The following UNC45A variants were observed in gnomAD, a reference collection of about 807,000 sequenced individuals.
The protein encoded by UNC45A is unc-45 myosin chaperone A, also known as protein unc-45 homolog A.
Under a neutral mutation model 103.2 loss-of-function variants are expected in UNC45A, and 78 were observed. The observed-to-expected ratio is 0.76, with a 90% CI of 0.63 to 0.91. The LOEUF is 0.91. Ranked by LOEUF, UNC45A falls within the 40% of genes least tolerant of loss-of-function variation. UNC45A has a pLI of 0.00. For synonymous variants in UNC45A, 495 were observed against 504.6 expected (o/e 0.98, Z 0.25); for missense variants, 1,193 against 1,224.8 (o/e 0.97, Z 0.39).
At chr15:90,932,207 C>CT, upstream of UNC45A, 2 of 1,324,628 alleles carry the variant, frequency 1.5e-6, no homozygotes, top group Non-Finnish European at 2.0e-6. Flanking sequence ...CTTGTGGACT[C>CT]TGACTAGCTG....
Position 90,946,708 on chromosome 15 carries a change from G to T in UNC45A, c.1294G>T (p.Ala432Ser), listed in dbSNP as rs1216492321. Residue 432 changes from alanine (A) to serine (S), a missense_variant, in exon 10 of 20, where the codon GCC (alanine) becomes TCC (serine). By Grantham distance (99) the Ala-to-Ser change is moderately conservative (BLOSUM62 1). Coordinates refer to ENST00000418476, the MANE Select transcript of UNC45A (RefSeq NM_018671.5). ...GGGCCCATGTGACGCTGGCAACCGG[G>T]CCTTGGAGCTGAGCGGTGTCATGGA... ...LQGPCDAGNRALELSGVMESV... is the reference protein window; with the variant it reads ...LQGPCDAGNRSLELSGVMESV... The T allele has an allele frequency of 6.2e-7, 1 of 1,613,162 alleles. No homozygotes were observed.
rs954425638 is a variant in UNC45A at position 90,935,660 on chromosome 15, C to T, written c.168C>T (p.Asp56=). The T allele has an allele frequency of 7.5e-6, 12 of 1,599,876 alleles. No individual in the cohort carries two copies. Among genetic ancestry groups the T allele is most frequent in the Non-Finnish European group, 9.4e-6 (11 of 1,174,386 alleles). ...QALGLDATPQ[D]QAVLHRNRAA... ...TGGGTCTGGACGCGACGCCCCAGGA[C>T]CAGGCCGTTCTGCACCGGAACCGGG... The change falls in exon 2 of 20, where the codon GAC becomes GAT. Residue 56 remains aspartate, a synonymous_variant. Transcript: ENST00000418476.
Position 90,953,277 on chromosome 15 carries a change from G to T in UNC45A, c.2544G>T (p.Met848Ile). 3 of 1,612,578 alleles carry T rather than the reference G, an allele frequency of 1.9e-6. No homozygotes were observed. Among genetic ancestry groups the T allele is most frequent in the Non-Finnish European group, 2.5e-6 (3 of 1,179,678 alleles). The change falls in exon 19 of 20, where the codon ATG becomes ATT. Residue 848 changes from methionine (M) to isoleucine (I), a missense_variant. By Grantham distance (10) the Met-to-Ile change is conservative. Transcript: ENST00000418476. ...AAGGLAMLTS[M>I]RPTLCSRIPQ... is the part of the protein sequence containing the mutation. ...GGGGCTTGGCCATGCTTACCTCCAT[G>T]CGGCCCACGCTCTGCAGCCGCATTC...
chr15:90,931,514 G>A, upstream of UNC45A: 1 of 1,614,174 alleles, frequency 6.2e-7, no homozygotes, highest in Non-Finnish European at 8.5e-7. Flanking sequence ...GATGGAATGA[G>A]CTGTCCTGAA....
chr15:90,944,876 C>T lies in UNC45A; in HGVS notation c.1028-16C>T, dbSNP rs879085173. ...TGGAACTAGTGTTCTACTGTCTAAG[C>T]GGGGTGTCTTTACAGGTCTGAAAAA... On this transcript the variant is annotated splice_polypyrimidine_tract_variant and intron_variant, in intron 8 of 19. Coordinates refer to ENST00000418476, the MANE Select transcript of UNC45A (RefSeq NM_018671.5). 6.0e-5 allele frequency: 97 copies of T among 1,610,162 alleles called. 1 individual carries two copies. In the South Asian group the frequency reaches 8.8e-4, roughly 15 times the overall value.
intron 17 of UNC45A, among the ~76,000 whole-genome samples, chr15:90,951,607 G>A (rs1294735217): frequency 2.0e-5 from 3 of 152,118 alleles, no homozygotes; most frequent in Admixed American, 1.3e-4. Flanking sequence ...ATTTAAAAAA[G>A]AAATTAAAGA....
chr15:90,949,741 C>G, intron 15 of UNC45A, 21 bp downstream of exon 15: 1 of 1,613,068 alleles, frequency 6.2e-7, no homozygotes, highest in Non-Finnish European at 8.5e-7. Context: ...TTACACACCC[C>G]TTCCTGATGG....
chr15:90,933,771 C>G (rs985448559), upstream of UNC45A: 14 of 342,038 alleles, frequency 4.1e-5, no homozygotes, highest in Admixed American at 6.7e-4. Flanking sequence ...CTCAGCTGCT[C>G]TCTCATCCCT....
chr15:90,932,359 C>T, upstream of UNC45A: 2 of 960,428 alleles, frequency 2.1e-6, no homozygotes, highest in Non-Finnish European at 1.4e-6. Flanking sequence ...AGGTGCACGC[C>T]CCCCACGTTT....
intron 5 of UNC45A, 148 bp from the exon 6 acceptor site, chr15:90,940,158 C>CTG: frequency 1.2e-6 from 1 of 833,124 alleles, no homozygotes; most frequent in Non-Finnish European, 1.9e-6. Context: ...ACAGAGGAAG[C>CTG]TAAACTTCAA....
In UNC45A at chr15:90,939,826, A is replaced by G. The variant is rs1214614898; in HGVS notation, c.519+3A>G. On this transcript the variant is annotated splice_donor_region_variant and intron_variant, in intron 5 of 19. Transcript: ENST00000418476. ...AGGGCACTGAGAAAAAGCAAAAGGT[A>G]TAGGCCCTGGGCTGAGTCAGTGAGT... The G allele has an allele frequency of 7.4e-6, 12 of 1,613,674 alleles. No homozygotes were observed. Among genetic ancestry groups the G allele is most frequent in the Admixed American group, 1.7e-5 (1 of 59,996 alleles).
intron 13 of UNC45A, 106 bp from the exon 14 acceptor site, chr15:90,949,210 T>A (rs2036751893): frequency 1.4e-6 from 2 of 1,471,596 alleles, no homozygotes. Context: ...TGTTTCCTTT[T>A]GTCTGGCTGT....
In UNC45A at chr15:90,935,982, G is replaced by T. The variant is rs746433029; in HGVS notation, c.250G>T (p.Ala84Ser). The change falls in exon 3 of 20, where the codon GCC (alanine) becomes TCC (serine). Residue 84 changes from alanine to serine, a missense_variant and splice_region_variant. Ala to Ser is a moderately conservative substitution (Grantham distance 99). Coordinates refer to ENST00000418476, the MANE Select transcript of UNC45A (RefSeq NM_018671.5). ...YDKAETEASKAIEKDGGDVKA... is the reference protein window; with the variant it reads ...YDKAETEASKSIEKDGGDVKA... ...CAAAGCAGAAACAGAGGCATCCAAA[G>T]GTAGGGGAATGGTGGGCCCTGGTGT... is the stretch of plus-strand genomic sequence containing the variant. 9 of 1,614,054 alleles carry T rather than the reference G, an allele frequency of 5.6e-6. No homozygotes were observed. Among genetic ancestry groups the T allele is most frequent in the African/African-American group, 1.3e-5 (1 of 75,030 alleles).
intron 9 of UNC45A, among the ~76,000 whole-genome samples, chr15:90,945,727 G>C (rs2151368377): frequency 1.3e-5 from 2 of 150,738 alleles, no homozygotes; most frequent in South Asian, 4.2e-4. Flanking sequence ...CACCCTCCCA[G>C]GTTCAAGCAA....
chr15:90,931,919 T>A (rs1466851985), upstream of UNC45A: 1 of 1,613,824 alleles, frequency 6.2e-7, no homozygotes, highest in Non-Finnish European at 8.5e-7. Context: ...GTCTGTGTCC[T>A]CCACCGTGTC....
At chr15:90,947,252 C>T (rs1596233126) in intron 10 of UNC45A, 3 of 313,302 alleles carry the variant, frequency 9.6e-6, no homozygotes, top group Admixed American at 4.2e-5. Context: ...CATGGCTCCT[C>T]CCTCCATGGG....
At chr15:90,932,413 C>T (rs2035834084), upstream of UNC45A, 3 of 1,322,392 alleles carry the variant, frequency 2.3e-6, no homozygotes, top group Admixed American at 3.7e-5. Context: ...CGGCGCTCCG[C>T]GGCCGACGCG....
Position 90,949,542 on chromosome 15 carries a change from T to C in UNC45A, c.2006+99T>C, listed in dbSNP as rs953304750. 7.5e-6 allele frequency: 12 copies of C among 1,599,264 alleles called. No homozygotes were observed. In the African/African-American group the frequency reaches 1.5e-4, roughly 20 times the overall value. ...TGCAGGTTCCAGTGCTGTGGGCCTC[T>C]TAGAGCGACGGGGGCTGCCTGCGTG... On this transcript the variant is annotated intron_variant, in intron 14 of 19. Transcript: ENST00000418476.
chr15:90,938,217 T>C (rs2036116902), intron 4 of UNC45A, among the ~76,000 whole-genome samples: 2 of 152,198 alleles, frequency 1.3e-5, no homozygotes, highest in South Asian at 2.1e-4. Flanking sequence ...CAAAGGAGAC[T>C]GCATCACCTG....
Sources: allele counts gnomAD v4.1 joint callset (sites outside exome capture counted in the v4.1 genomes callset), GRCh38; gene constraint gnomAD v4.1.1; transcripts MANE v1.5; gene names NCBI Gene and HGNC (gene_info 2026-07-23, HGNC 2026-07-21).